PAFAH1B1: variants seen among roughly 807,000 people sequenced by gnomAD.
PAFAH1B1 encodes platelet activating factor acetylhydrolase 1b regulatory subunit 1.
PAFAH1B1 carries 2 observed loss-of-function variants against 57.5 expected under a neutral mutation model. That is an observed-to-expected ratio of 0.03 (90% CI 0.01 to 0.11). The LOEUF is 0.11. Among genes scored for constraint, PAFAH1B1 ranks in the 10% least tolerant of loss-of-function variants. The pLI, the probability that PAFAH1B1 is intolerant of heterozygous loss-of-function variation, is 1.00. For missense variants in PAFAH1B1, 257 were observed against 512.0 expected (o/e 0.50, Z 4.81); for synonymous variants, 152 against 169.6 (o/e 0.90, Z 0.81).
In PAFAH1B1 at chr17:2,638,182, A is replaced by G; in HGVS notation, c.-107A>G. 1 of 793,068 alleles carries G rather than the reference A, an allele frequency of 1.3e-6. No individual in the cohort carries two copies. The highest frequency in any genetic ancestry group is 1.5e-5 in the South Asian group (1 of 64,638). The allele number at this position is 793,068 out of a possible 1,614,324, so 49.1% of individuals were successfully genotyped here. ...AGAATCATTTTCCCCTGTGTGGAAG[A>G]CACTTAGTGGCATATTTAAATTATA... On this transcript the variant is annotated 5_prime_UTR_variant, in exon 2 of 11. Transcript: ENST00000397195.
Position 2,665,408 on chromosome 17 carries a change from C to G in PAFAH1B1, c.69C>G (p.Gly23=). ...RAIADYLRSN[G]YEEAYSVFKK... ...TAGCAGATTATCTTCGTTCAAATGG[C>G]TATGAAGAGGCATATTCAGTTTTTA... Residue 23 remains glycine (G), a synonymous_variant, in exon 3 of 11, where the codon GGC becomes GGG. Transcript: ENST00000397195. The G allele has an allele frequency of 6.2e-7, 1 of 1,608,324 alleles. No individual in the cohort carries two copies. The highest frequency in any genetic ancestry group is 8.5e-7 in the Non-Finnish European group (1 of 1,176,474).
chr17:2,629,170 TC>T (rs2068526942), intron 1 of PAFAH1B1, among the ~76,000 whole-genome samples: 1 of 152,182 alleles, frequency 6.6e-6, no homozygotes, highest in Admixed American at 6.5e-5. Context: ...TTTCTCTAGT[TC>T]CTTGAGGTGT....
At chr17:2,603,155 A>G (rs1385868055) in intron 1 of PAFAH1B1, among the ~76,000 whole-genome samples, 4 of 152,014 alleles carry the variant, frequency 2.6e-5, no homozygotes, top group African/African-American at 9.7e-5. Context: ...ATACATTTTG[A>G]CAAAAGAATG....
intron 1 of PAFAH1B1, among the ~76,000 whole-genome samples, chr17:2,597,330 G>C (rs576313739): frequency 6.7e-6 from 1 of 150,002 alleles, no homozygotes; most frequent in Non-Finnish European, 1.5e-5. Context: ...CTAGTGTAAA[G>C]AGATTTTGAG....
In PAFAH1B1 at chr17:2,683,004, TA is replaced by T. The variant is rs1372875871; in HGVS notation, c.*1206del. 6.6e-6 allele frequency: 1 copy of T among 152,620 alleles called. No individual in the cohort carries two copies. The highest frequency in any genetic ancestry group is 2.4e-5 in the African/African-American group (1 of 41,438). 9.5% of individuals were successfully genotyped at this position (152,620 alleles called of 1,614,324 possible). A position where few individuals can be genotyped will look rare whatever the true frequency, so the allele number is the denominator to read the frequency against. On this transcript the variant is annotated 3_prime_UTR_variant, in exon 11 of 11. Transcript: ENST00000397195. ...TAGTCCTGGGTTTTTGAAAAAGTGC[TA>T]AAACGGACAAGTAGAATAAATGTTG...
chr17:2,644,492 G>A (rs946612678), intron 2 of PAFAH1B1, among the ~76,000 whole-genome samples: 8 of 151,782 alleles, frequency 5.3e-5, no homozygotes, highest in Admixed American at 2.0e-4. Context: ...GCGGTGAGCC[G>A]CGATCACACC....
At chr17:2,608,917 C>T (rs552389038) in intron 1 of PAFAH1B1, among the ~76,000 whole-genome samples, 25 of 152,286 alleles carry the variant, frequency 1.6e-4, no homozygotes, top group Non-Finnish European at 3.4e-4. Flanking sequence ...TCCTAAACTT[C>T]ATTCTGTTTT....
chr17:2,651,086 T>C (rs2068843346), intron 2 of PAFAH1B1, among the ~76,000 whole-genome samples: 1 of 152,166 alleles, frequency 6.6e-6, no homozygotes, highest in African/African-American at 2.4e-5. Flanking sequence ...CATCTGGAAT[T>C]TATGTTTGTT....
chr17:2,664,423 T>TG (rs1034659289), intron 2 of PAFAH1B1, among the ~76,000 whole-genome samples: 4 of 148,490 alleles, frequency 2.7e-5, no homozygotes, highest in African/African-American at 1.0e-4. Context: ...TTTTTTTTTT[T>TG]GAGAAGGAAT....
intron 1 of PAFAH1B1, among the ~76,000 whole-genome samples, chr17:2,612,610 A>G (rs1035227146): frequency 7.2e-5 from 11 of 152,104 alleles, no homozygotes; most frequent in Non-Finnish European, 1.6e-4. Flanking sequence ...CTAGCAAGTC[A>G]AATCCTGCTG....
chr17:2,668,544 T>C (rs1276859123), intron 5 of PAFAH1B1, among the ~76,000 whole-genome samples: 1 of 151,562 alleles, frequency 6.6e-6, no homozygotes, highest in Non-Finnish European at 1.5e-5. Flanking sequence ...CCAGGTATGG[T>C]GGTGCATGCC....
intron 4 of PAFAH1B1, 149 bp from the exon 5 acceptor site, chr17:2,666,843 T>C (rs564320835): frequency 9.7e-6 from 6 of 618,716 alleles, no homozygotes; most frequent in Admixed American, 2.9e-5. Flanking sequence ...TAAATAATTT[T>C]CATTTAAATT....
At chr17:2,679,867 C>A in intron 9 of PAFAH1B1, 1 of 378,628 alleles carries the variant, frequency 2.6e-6, no homozygotes, top group Admixed American at 4.3e-5. Flanking sequence ...TAAAATTATT[C>A]ACACTCAAGA....
intron 1 of PAFAH1B1, among the ~76,000 whole-genome samples, chr17:2,623,878 G>C (rs2068455075): frequency 6.6e-6 from 1 of 151,572 alleles, no homozygotes; most frequent in Non-Finnish European, 1.5e-5. Flanking sequence ...GACTTCAGAG[G>C]ATCCGCCCAC....
chr17:2,658,256 C>G (rs528236929), intron 2 of PAFAH1B1, among the ~76,000 whole-genome samples: 1 of 152,158 alleles, frequency 6.6e-6, no homozygotes, highest in Non-Finnish European at 1.5e-5. Context: ...AACCCCCTTT[C>G]TCTCTTAGAC....
chr17:2,679,641 G>T (rs1225773483), intron 9 of PAFAH1B1: 1 of 154,584 alleles, frequency 6.5e-6, no homozygotes, highest in Non-Finnish European at 1.4e-5. Flanking sequence ...TGGATGGATG[G>T]ATGGATGGAT....
intron 6 of PAFAH1B1, 80 bp downstream of exon 6, chr17:2,670,411 G>A (rs868504742): frequency 1.2e-5 from 15 of 1,296,608 alleles, no homozygotes; most frequent in Middle Eastern, 4.8e-4. Flanking sequence ...ACAGTGTACA[G>A]TGTTCCTTTA....
intron 1 of PAFAH1B1, among the ~76,000 whole-genome samples, chr17:2,621,149 G>T (rs2068416566): frequency 1.3e-5 from 2 of 151,738 alleles, no homozygotes; most frequent in African/African-American, 2.4e-5. Flanking sequence ...TTAAGTTGAG[G>T]TGTATATGTG....
rs71377513 is a variant in PAFAH1B1, at chr17:2,595,421, C to CTTTTTTT, written c.-191+1425_-191+1431dup. Among the ~76,000 whole-genome samples, 291 of 124,034 alleles carry CTTTTTTT rather than the reference C, an allele frequency of 2.3e-3. 11 individuals are homozygous for CTTTTTTT. The highest frequency in any genetic ancestry group is 4.4e-3 in the African/African-American group (144 of 32,846). 81.4% of individuals were successfully genotyped at this position (124,034 alleles called of 152,430 possible). A position where few individuals can be genotyped will look rare whatever the true frequency, so the allele number is the denominator to read the frequency against. On this transcript the variant is annotated intron_variant, in intron 1 of 10. Coordinates refer to ENST00000397195, the MANE Select transcript of PAFAH1B1 (RefSeq NM_000430.4). ...TCCCTTTTTGCCACAGGAGTGTTTG[C>CTTTTTTT]TTTTTTTTTTTTTTTTGCTGCAGCA...
Sources: gnomAD v4.1 joint callset for allele counts (sites outside exome capture counted in the v4.1 genomes callset) on GRCh38, gnomAD v4.1.1 for gene constraint, MANE v1.5 for transcripts, NCBI Gene and HGNC (gene_info 2026-07-23, HGNC 2026-07-21) for gene names.